TSPEAR: variants seen among roughly 807,000 people sequenced by gnomAD.
TSPEAR encodes the protein thrombospondin type laminin G domain and EAR repeats.
Under a neutral mutation model 71.6 loss-of-function variants are expected in TSPEAR, and 69 were observed. The observed-to-expected ratio is 0.96, with a 90% CI of 0.79 to 1.18. The LOEUF (loss-of-function observed/expected upper bound fraction) is 1.18, where lower values mean the gene tolerates loss of function less well. TSPEAR is among the 50% of genes most tolerant of loss of function. The pLI is 0.00. For synonymous variants in TSPEAR, 402 were observed against 387.2 expected, an observed-to-expected ratio of 1.04 and a Z score of -0.45; for missense variants, 971 against 894.9, an observed-to-expected ratio of 1.09 and a Z score of -1.09.
At chr21:44,705,383 A>T (rs1412286905) in intron 1 of TSPEAR, among the ~76,000 whole-genome samples, 3 of 152,240 alleles carry the variant, frequency 2.0e-5, no homozygotes, top group Non-Finnish European at 2.9e-5. Flanking sequence ...AAAGAACAGG[A>T]TAACAGCAAT....
At chr21:44,501,868 C>G (rs946409885) in intron 11 of TSPEAR, among the ~76,000 whole-genome samples, 11 of 152,264 alleles carry the variant, frequency 7.2e-5, no homozygotes, top group African/African-American at 2.2e-4. Flanking sequence ...AGAAAAAATC[C>G]TATTCTTCAG....
rs782229665 is a variant in TSPEAR at position 44,647,303 on chromosome 21, G to T, written c.82+64130C>A. 9 of 1,613,822 alleles carry T rather than the reference G, an allele frequency of 5.6e-6. No homozygotes were observed. Among genetic ancestry groups the T allele is most frequent in the East Asian group, 2.2e-5 (1 of 44,888 alleles). On this transcript the variant is annotated intron_variant, in intron 1 of 11. Transcript: ENST00000323084. ...GTGTCCCTCCTCTGCCGCCCCGCAA[G>T]CTCCCGCCTGGCCTGCTACAGCCTC...
At chr21:44,644,819 A>G (rs1192843390) in intron 1 of TSPEAR, among the ~76,000 whole-genome samples, 2 of 152,226 alleles carry the variant, frequency 1.3e-5, no homozygotes, top group African/African-American at 2.4e-5. Flanking sequence ...ATAAGTCTTT[A>G]TATTGAAAGG....
In TSPEAR at chr21:44,522,091, C is replaced by T. The variant is rs2052746225; in HGVS notation, c.1358G>A (p.Ser453Asn). The T allele has an allele frequency of 1.2e-6, 2 of 1,614,108 alleles. No individual in the cohort carries two copies. Among genetic ancestry groups the T allele is most frequent in the East Asian group, 2.2e-5 (1 of 44,876 alleles). ...HREGDNHNID[S>N]VIYKWNPATR... ...TGCCGGGTTCCACTTGTAGATGACACTGTCGATGTTGTGGTTGTCGCCTGG... is the reference window on the plus strand; with the variant it reads ...TGCCGGGTTCCACTTGTAGATGACATTGTCGATGTTGTGGTTGTCGCCTGG... The change falls in exon 9 of 12, where the codon AGT becomes AAT. Residue 453 changes from serine (S) to asparagine (N), a missense_variant. By Grantham distance (46) the Ser-to-Asn change is conservative. Transcript: ENST00000323084.
At chr21:44,515,328 TTCCCAGGGCCC>T (rs1456688575) in intron 9 of TSPEAR, among the ~76,000 whole-genome samples, 1 of 152,204 alleles carries the variant, frequency 6.6e-6, no homozygotes, top group East Asian at 1.9e-4. Context: ...TCCCAGCGCC[TTCCCAGGGCCC>T]TCCTAAGGCA....
At chr21:44,631,562 AAAATAAAT>A (rs1182987866) in intron 1 of TSPEAR, among the ~76,000 whole-genome samples, 1 of 152,120 alleles carries the variant, frequency 6.6e-6, no homozygotes, top group African/African-American at 2.4e-5. Flanking sequence ...TACTAAAAAT[AAAATAAAT>A]AAATAAATAG....
chr21:44,519,069 C>T (rs957416437), intron 9 of TSPEAR: 5 of 169,734 alleles, frequency 2.9e-5, no homozygotes, highest in Non-Finnish European at 6.4e-5. Flanking sequence ...CACTCTGTCG[C>T]CCAGGCTGGA....
At chr21:44,697,797 GCCGCCCTGTGTGCAGACCCGC>G (rs782412662) in intron 1 of TSPEAR, 28 of 1,613,552 alleles carry the variant, frequency 1.7e-5, no homozygotes, top group Non-Finnish European at 2.3e-5. Context: ...TCCCTCCTCT[GCCGCCCTGTGTGCAGACCCGC>G]CCGCCGCGTG....
intron 1 of TSPEAR, among the ~76,000 whole-genome samples, chr21:44,588,787 G>GTA (rs34985016): frequency 0.47 from 68,590 of 147,336 alleles, 16,884 homozygotes; most frequent in Middle Eastern, 0.55. Context: ...ATGTGTGTGT[G>GTA]TATATATATA....
chr21:44,512,592 G>A (rs587613963), intron 9 of TSPEAR, among the ~76,000 whole-genome samples: 1 of 152,292 alleles, frequency 6.6e-6, no homozygotes, highest in Non-Finnish European at 1.5e-5. Context: ...CCCTGAGGCT[G>A]GTGGAGACCC....
At chr21:44,649,330 C>A (rs1555940940) in intron 1 of TSPEAR, among the ~76,000 whole-genome samples, 1 of 152,158 alleles carries the variant, frequency 6.6e-6, no homozygotes, top group African/African-American at 2.4e-5. Flanking sequence ...CTAAGGAGTC[C>A]CCCTGCACCT....
At chr21:44,669,409 G>A (rs1985948540) in intron 1 of TSPEAR, among the ~76,000 whole-genome samples, 1 of 152,044 alleles carries the variant, frequency 6.6e-6, no homozygotes, top group Admixed American at 6.6e-5. Flanking sequence ...TGACAGAGCA[G>A]GACTCCATCT....
At chr21:44,650,346 C>A (rs1221118076) in intron 1 of TSPEAR, among the ~76,000 whole-genome samples, 1 of 151,250 alleles carries the variant, frequency 6.6e-6, no homozygotes, top group African/African-American at 2.5e-5. Context: ...GGACCCTGAG[C>A]CAACACCACT....
At chr21:44,659,337 C>A (rs1555943248) in intron 1 of TSPEAR, among the ~76,000 whole-genome samples, 2 of 149,642 alleles carry the variant, frequency 1.3e-5, no homozygotes, top group Non-Finnish European at 3.0e-5. Context: ...ACACCCTAAG[C>A]ACAAGCACTG....
intron 1 of TSPEAR, among the ~76,000 whole-genome samples, chr21:44,675,681 A>G (rs587767409): frequency 2.0e-5 from 3 of 152,170 alleles, no homozygotes; most frequent in Non-Finnish European, 2.9e-5. Context: ...CAAAGAAAGC[A>G]CTCCTGGAGT....
chr21:44,549,592 G>A (rs587624799), intron 2 of TSPEAR, among the ~76,000 whole-genome samples: 2 of 152,368 alleles, frequency 1.3e-5, no homozygotes, highest in South Asian at 4.1e-4. Context: ...CCTCTTGCGG[G>A]CAACGTGGTG....
intron 1 of TSPEAR, among the ~76,000 whole-genome samples, chr21:44,691,511 A>T (rs1555949735): frequency 6.6e-6 from 1 of 152,240 alleles, no homozygotes. Flanking sequence ...TTGATAAAAG[A>T]TTCAACTCAT....
At chr21:44,675,883 T>C (rs1986291100) in intron 1 of TSPEAR, 1 of 723,072 alleles carries the variant, frequency 1.4e-6, no homozygotes, top group African/African-American at 1.7e-5. Context: ...CTGGCTGTAC[T>C]TGAGTGGTTC....
At chr21:44,565,308 C>A (rs913967691) in intron 2 of TSPEAR, among the ~76,000 whole-genome samples, 4 of 152,112 alleles carry the variant, frequency 2.6e-5, no homozygotes, top group African/African-American at 9.7e-5. Context: ...AAAACCAATT[C>A]TTCACAAACC....
Sources: allele counts gnomAD v4.1 joint callset (sites outside exome capture counted in the v4.1 genomes callset), GRCh38; gene constraint gnomAD v4.1.1; transcripts MANE v1.5; gene names NCBI Gene and HGNC (gene_info 2026-07-23, HGNC 2026-07-21).